The following CYTH4 variants were observed in gnomAD, a reference collection of about 807,000 sequenced individuals.
The protein encoded by CYTH4 is cytohesin-4.
CYTH4 carries 22 observed loss-of-function variants against 57.5 expected under a neutral mutation model. The ratio of observed to expected loss-of-function variants is 0.38; its 90% CI spans 0.27 to 0.55. The LOEUF is 0.55. Among genes scored for constraint, CYTH4 ranks in the 20% least tolerant of loss-of-function variants. The pLI is 0.74. For missense variants in CYTH4, 420 were observed against 535.6 expected (o/e 0.78, Z 2.13); for synonymous variants, 186 against 206.5 (o/e 0.90, Z 0.85).
intron 8 of CYTH4, among the ~76,000 whole-genome samples, chr22:37,304,934 G>A (rs1398684322): frequency 6.6e-6 from 1 of 152,134 alleles, no homozygotes; most frequent in Non-Finnish European, 1.5e-5. Context: ...CCTCCTGCGT[G>A]GCTCCCCAGC....
rs1254461009 is a variant in CYTH4 at position 37,314,691 on chromosome 22, C to G, written c.*1180C>G. 1 of 349,974 alleles carries G rather than the reference C, an allele frequency of 2.9e-6. No homozygotes were observed. The highest frequency in any genetic ancestry group is 2.1e-5 in the African/African-American group (1 of 47,626). The allele number at this position is 349,974 out of a possible 1,614,324, so 21.7% of individuals were successfully genotyped here. On this transcript the variant is annotated 3_prime_UTR_variant, in exon 13 of 13. Coordinates refer to ENST00000248901, the MANE Select transcript of CYTH4 (RefSeq NM_013385.5). ...CAGCCAGCTCTGTCTCCAGGGAGGC[C>G]TGGCCTGGAGGAGGAGTCCACTAAC...
rs760313849 is a variant in CYTH4 at position 37,300,354 on chromosome 22, C to G, written c.435-553C>G. On this transcript the variant is annotated intron_variant, in intron 6 of 12. Coordinates refer to ENST00000248901, the MANE Select transcript of CYTH4 (RefSeq NM_013385.5). ...TTCATTCATTCACTTATTTACTGAG[C>G]CTTTGCTAGGTGCCCAGGACTGTGT... 5 of 671,378 alleles carry G rather than the reference C, an allele frequency of 7.4e-6. No individual in the cohort carries two copies. In the East Asian group the frequency reaches 8.2e-5, roughly 11 times the overall value. 41.6% of individuals were successfully genotyped at this position (671,378 alleles called of 1,614,324 possible).
At position 37,294,645 on chromosome 22, in the gene CYTH4, C is replaced by T. The variant is rs761325192; in HGVS notation, c.103-15C>T. Reference sequence around the variant, plus strand: ...CACCCCTGACTCTCCCTGTCCTGCCCCTGCCACCCCACAGAAGCTGAAGGA... The same window carrying T: ...CACCCCTGACTCTCCCTGTCCTGCCTCTGCCACCCCACAGAAGCTGAAGGA... On this transcript the variant is annotated splice_polypyrimidine_tract_variant and intron_variant, in intron 2 of 12. Coordinates refer to ENST00000248901, the MANE Select transcript of CYTH4 (RefSeq NM_013385.5). 2.5e-5 allele frequency: 40 copies of T among 1,613,606 alleles called. No individual in the cohort carries two copies. In the Admixed American group the frequency reaches 5.0e-4, roughly 20 times the overall value.
At chr22:37,307,820 G>A (rs1408702659) in intron 8 of CYTH4, among the ~76,000 whole-genome samples, 2 of 152,168 alleles carry the variant, frequency 1.3e-5, no homozygotes, top group South Asian at 2.1e-4. Context: ...GGCAATCTAG[G>A]CAGGTTGCTC....
At chr22:37,287,658 T>C (rs1401187652) in intron 1 of CYTH4, among the ~76,000 whole-genome samples, 3 of 151,988 alleles carry the variant, frequency 2.0e-5, no homozygotes, top group Admixed American at 2.0e-4. Context: ...ACACCTTCCA[T>C]CCCTGCATGT....
chr22:37,293,725 C>T (rs1293021022), intron 2 of CYTH4, among the ~76,000 whole-genome samples: 1 of 152,110 alleles, frequency 6.6e-6, no homozygotes, highest in Non-Finnish European at 1.5e-5. Flanking sequence ...CGGCCAGAGG[C>T]TCATGCTGGT....
At chr22:37,313,384 C>A in intron 12 of CYTH4, 55 bp from the exon 13 acceptor site, 2 of 1,560,562 alleles carry the variant, frequency 1.3e-6, no homozygotes, top group East Asian at 2.2e-5. Flanking sequence ...CCTGGGAGAG[C>A]AGACCACCTT....
In CYTH4 at chr22:37,314,310, A is replaced by G; in HGVS notation, c.*799A>G. The G allele has an allele frequency of 5.0e-6, 2 of 398,764 alleles. No individual in the cohort carries two copies. The highest frequency in any genetic ancestry group is 8.8e-6 in the Non-Finnish European group (2 of 226,102). 24.7% of individuals were successfully genotyped at this position (398,764 alleles called of 1,614,324 possible). A position where few individuals can be genotyped will look rare whatever the true frequency, so the allele number is the denominator to read the frequency against. On this transcript the variant is annotated 3_prime_UTR_variant, in exon 13 of 13. Coordinates refer to ENST00000248901, the MANE Select transcript of CYTH4 (RefSeq NM_013385.5). ...ACGTTGCTGGGGAGAGAAAAGCAGT[A>G]TAGACTCCACCTTCCAGGATGTCCA...
Position 37,314,326 on chromosome 22 carries a change from A to G in CYTH4, c.*815A>G, listed in dbSNP as rs1438565450. 2.8e-5 allele frequency: 11 copies of G among 398,646 alleles called. No homozygotes were observed. The highest frequency in any genetic ancestry group is 4.0e-5 in the Non-Finnish European group (9 of 226,096). The allele number at this position is 398,646 out of a possible 1,614,324, so 24.7% of individuals were successfully genotyped here. On this transcript the variant is annotated 3_prime_UTR_variant, in exon 13 of 13. Transcript: ENST00000248901. ...AAAAGCAGTATAGACTCCACCTTCC[A>G]GGATGTCCATTTCGGGGAGAGGAGC...
intron 1 of CYTH4, among the ~76,000 whole-genome samples, chr22:37,285,102 C>T (rs1838903679): frequency 6.6e-6 from 1 of 152,186 alleles, no homozygotes; most frequent in South Asian, 2.1e-4. Context: ...AGATGGCATC[C>T]TCCTCCTGCC....
At chr22:37,299,135 C>A (rs1929083441) in intron 5 of CYTH4, 91 bp from the exon 6 acceptor site, 1 of 894,220 alleles carries the variant, frequency 1.1e-6, no homozygotes, top group Admixed American at 1.9e-5. Context: ...ATGTCTCTGT[C>A]CTCTCCCTCC....
chr22:37,286,789 G>A (rs1928576872), intron 1 of CYTH4, among the ~76,000 whole-genome samples: 2 of 152,152 alleles, frequency 1.3e-5, no homozygotes, highest in South Asian at 4.1e-4. Flanking sequence ...GGAGCATGGA[G>A]GGGATACACC....
intron 4 of CYTH4, 66 bp downstream of exon 4, chr22:37,296,131 C>T: frequency 6.7e-7 from 1 of 1,490,932 alleles, no homozygotes; most frequent in Non-Finnish European, 9.2e-7. Flanking sequence ...TGCCTGGTGT[C>T]CTCTCGCTCC....
In CYTH4 at chr22:37,313,964, G is replaced by A; in HGVS notation, c.*453G>A. On this transcript the variant is annotated 3_prime_UTR_variant, in exon 13 of 13. Transcript: ENST00000248901. Reference sequence around the variant, plus strand: ...GCTCTTCCTTTTCAGGGATATCTCTGCCAACCCCTCCCCTGTCCTCGGGTT... The same window carrying A: ...GCTCTTCCTTTTCAGGGATATCTCTACCAACCCCTCCCCTGTCCTCGGGTT... 1 of 246,198 alleles carries A rather than the reference G, an allele frequency of 4.1e-6. No individual in the cohort carries two copies. The highest frequency in any genetic ancestry group is 7.9e-6 in the Non-Finnish European group (1 of 127,214). 15.3% of individuals were successfully genotyped at this position (246,198 alleles called of 1,614,324 possible).
Position 37,303,238 on chromosome 22 carries a change from G to A in CYTH4, c.548-16G>A, listed in dbSNP as rs200160153. On this transcript the variant is annotated splice_polypyrimidine_tract_variant and intron_variant, in intron 7 of 12. Transcript: ENST00000248901. Reference sequence around the variant, plus strand: ...AGTGGCCAGGGCCAGAACTGTGACCGCTGTCCCCTCCGCAGACACCTGCTA... The same window carrying A: ...AGTGGCCAGGGCCAGAACTGTGACCACTGTCCCCTCCGCAGACACCTGCTA... The A allele has an allele frequency of 6.7e-5, 108 of 1,613,616 alleles. 1 individual carries two copies. The East Asian group carries it at 1.5e-3, about 22-fold the overall frequency.
At position 37,294,766 on chromosome 22, in the gene CYTH4, G is replaced by A. The variant is rs189824661; in HGVS notation, c.167+42G>A. On this transcript the variant is annotated intron_variant, in intron 3 of 12. Coordinates refer to ENST00000248901, the MANE Select transcript of CYTH4 (RefSeq NM_013385.5). ...GGGACCCCCAGAAACTGCCATGGTT[G>A]CTTCCCAAGGATGTCATACACCTTG... 6.2e-6 allele frequency: 10 copies of A among 1,610,324 alleles called. No homozygotes were observed. The African/African-American group carries it at 1.3e-4, about 21-fold the overall frequency.
Position 37,292,627 on chromosome 22 carries a change from C to T in CYTH4, c.26C>T (p.Ala9Val), listed in dbSNP as rs373346288. 22 of 1,613,638 alleles carry T rather than the reference C, an allele frequency of 1.4e-5. No homozygotes were observed. The highest frequency in any genetic ancestry group is 2.2e-5 in the South Asian group (2 of 91,086). MDLCHPEPAELSSGETEEL... is the reference protein window; with the variant it reads MDLCHPEPVELSSGETEEL... ...GCCGGTTGTCTCTCTGTAGAGCCCG[C>T]GGAGCTGAGCAGCGGGGAGACGGAA... is the stretch of plus-strand genomic sequence containing the variant. Residue 9 changes from alanine (A) to valine (V), a missense_variant, in exon 2 of 13, where the codon GCG (alanine) becomes GTG (valine). By Grantham distance (64) the Ala-to-Val change is moderately conservative. Coordinates refer to ENST00000248901, the MANE Select transcript of CYTH4 (RefSeq NM_013385.5).
At chr22:37,299,369 G>A in intron 6 of CYTH4, 63 bp downstream of exon 6, 1 of 1,416,252 alleles carries the variant, frequency 7.1e-7, no homozygotes, top group Non-Finnish European at 1.0e-6. Flanking sequence ...GGCTGGGGGT[G>A]TCGCGATCCA....
At chr22:37,299,967 G>A in intron 6 of CYTH4, 2 of 693,146 alleles carry the variant, frequency 2.9e-6, no homozygotes, top group East Asian at 2.7e-5. Flanking sequence ...CTCCAGCCTG[G>A]GCAACAGAGT....
Sources: gnomAD v4.1 joint callset for allele counts (sites outside exome capture counted in the v4.1 genomes callset) on GRCh38, gnomAD v4.1.1 for gene constraint, MANE v1.5 for transcripts, NCBI Gene and HGNC (gene_info 2026-07-23, HGNC 2026-07-21) for gene names.